CELF2: variants seen among roughly 807,000 people sequenced by gnomAD.
CELF2 encodes the protein CUG triplet repeat RNA-binding protein 2.
In CELF2, 8 loss-of-function variants were observed where a neutral mutation model predicts 62.6. The observed-to-expected ratio is 0.13, with a 90% confidence interval of 0.07 to 0.23. CELF2 has a LOEUF of 0.23. Among genes scored for constraint, CELF2 ranks in the 10% least tolerant of loss-of-function variants. The pLI is 1.00. For synonymous variants in CELF2, 258 were observed against 250.0 expected (o/e 1.03, Z -0.30); for missense variants, 333 against 671.0 (o/e 0.50, Z 5.56).
In CELF2 at chr10:11,300,472, G is replaced by A. The variant is rs1277636494; in HGVS notation, c.976+11920G>A. On this transcript the variant is annotated intron_variant, in intron 9 of 12. Coordinates refer to ENST00000633077, the MANE Select transcript of CELF2 (RefSeq NM_001326342.2). This position sits in a 1 kb window ranked among gnomAD's most constrained non-coding sequence, Gnocchi z 5.5. ...GGGAAGGTACCCTCTTCCAGGCTGG[G>A]AGTGTGAGGTCACACCTCACCACTG... Among the ~76,000 whole-genome samples, 2 of 152,200 alleles carry A rather than the reference G, an allele frequency of 1.3e-5. No individual in the cohort carries two copies. Among genetic ancestry groups the A allele is most frequent in the Admixed American group, 6.5e-5 (1 of 15,286 alleles).
At chr10:10,718,983 CTCTT>C in the CELF2 span, among the ~76,000 whole-genome samples, 1 of 142,616 alleles carries the variant, frequency 7.0e-6, no homozygotes, top group Non-Finnish European at 1.5e-5. Context: ...CTTTATTATT[CTCTT>C]TTTTTTTTTT....
In CELF2 at chr10:11,255,893, C is replaced by A. The variant is rs2078597209; in HGVS notation, c.404-1845C>A. Among the ~76,000 whole-genome samples the A allele has an allele frequency of 6.6e-6, 1 of 152,208 alleles. No homozygotes were observed. Among genetic ancestry groups the A allele is most frequent in the African/African-American group, 2.4e-5 (1 of 41,446 alleles). On this transcript the variant is annotated intron_variant, in intron 4 of 12. Coordinates refer to ENST00000633077, the MANE Select transcript of CELF2 (RefSeq NM_001326342.2). This position sits in a 1 kb window ranked among gnomAD's most constrained non-coding sequence, Gnocchi z 5.5. ...CTTGGTCTTCTAATCACCGCCATTG[C>A]TCTCCCCTTCAAGCCTTCTCTCCTC...
At chr10:11,176,970 A>G (rs2071419147) in intron 2 of CELF2, among the ~76,000 whole-genome samples, 1 of 152,148 alleles carries the variant, frequency 6.6e-6, no homozygotes, top group Non-Finnish European at 1.5e-5. Context: ...ATCCTGCGCT[A>G]ACCATTGGCA....
chr10:10,562,619 A>C, the CELF2 span, among the ~76,000 whole-genome samples: 3 of 152,190 alleles, frequency 2.0e-5, no homozygotes, highest in Non-Finnish European at 2.9e-5. Flanking sequence ...CTTGGAAAAC[A>C]GGAATGAGGG....
At chr10:10,865,176 C>T (rs1440220772) in intron 1 of CELF2, among the ~76,000 whole-genome samples, 2 of 152,068 alleles carry the variant, frequency 1.3e-5, no homozygotes, top group African/African-American at 2.4e-5. Context: ...CTCCTGCTCT[C>T]GTAGAAAATA....
rs1034662946 is a variant in CELF2 at position 10,936,417 on chromosome 10, G to A, written c.89+16418G>A. Among the ~76,000 whole-genome samples the A allele has an allele frequency of 9.9e-5, 15 of 152,130 alleles. No individual in the cohort carries two copies. The highest frequency in any genetic ancestry group is 3.6e-4 in the African/African-American group (15 of 41,426). ...AATCCTAGAACCTTAGAGCTCCATGGAACCTGTTTTGCATCGTCTCCTTGT... is the reference window on the plus strand; with the variant it reads ...AATCCTAGAACCTTAGAGCTCCATGAAACCTGTTTTGCATCGTCTCCTTGT... On this transcript the variant is annotated intron_variant, in intron 2 of 13. Coordinates refer to the CELF2 transcript ENST00000636488. The surrounding 1 kb of genome is among the most constrained non-coding windows in gnomAD (Gnocchi z 4.0).
chr10:10,875,734 A>G (rs1053739781), intron 1 of CELF2, among the ~76,000 whole-genome samples: 1 of 152,190 alleles, frequency 6.6e-6, no homozygotes, highest in African/African-American at 2.4e-5. Flanking sequence ...TTGATAAAGT[A>G]CAGTATGTTA....
At chr10:10,571,465 G>A in the CELF2 span, among the ~76,000 whole-genome samples, 1 of 152,190 alleles carries the variant, frequency 6.6e-6, no homozygotes, top group Non-Finnish European at 1.5e-5. Flanking sequence ...TAGTTATTAA[G>A]CTGCTGAAGT....
In CELF2 at chr10:11,224,806, A is replaced by G; in HGVS notation, c.354+7299A>G. On this transcript the variant is annotated intron_variant, in intron 3 of 12. Coordinates refer to ENST00000633077, the MANE Select transcript of CELF2 (RefSeq NM_001326342.2). The surrounding 1 kb of genome is among the most constrained non-coding windows in gnomAD (Gnocchi z 4.5). ...CGGAGCCTGGAGCTTTAGGCCACAC[A>G]AAAAGCATACAGCATGGGTAGATGT... Among the ~76,000 whole-genome samples, 1 of 152,150 alleles carries G rather than the reference A, an allele frequency of 6.6e-6. No individual in the cohort carries two copies. Among genetic ancestry groups the G allele is most frequent in the Non-Finnish European group, 1.5e-5 (1 of 68,030 alleles).
chr10:10,520,139 G>A, the CELF2 span, among the ~76,000 whole-genome samples: 1 of 152,176 alleles, frequency 6.6e-6, no homozygotes, highest in African/African-American at 2.4e-5. Flanking sequence ...TTTTTTAAGT[G>A]AAACATTAGA....
chr10:10,885,610 A>G (rs1032314824), intron 1 of CELF2, among the ~76,000 whole-genome samples: 96 of 152,262 alleles, frequency 6.3e-4, no homozygotes, highest in Admixed American at 6.3e-3. Context: ...AAATGGAAAT[A>G]TTATGTAATA....
chr10:10,996,224 C>G (rs1463083643), intron 2 of CELF2, among the ~76,000 whole-genome samples: 2 of 152,212 alleles, frequency 1.3e-5, no homozygotes, highest in African/African-American at 4.8e-5. Context: ...AGAGCTTGTT[C>G]TGCACCTTTG....
rs554284733 is a variant in CELF2 at position 11,010,857 on chromosome 10, A to G, written c.53+5417A>G. ...GCGGTCAAATCCCTGGTCACTGTTT[A>G]TAGTTTCAGCTGCTCAGCCCTTCCT... On this transcript the variant is annotated intron_variant, in intron 1 of 12. Transcript: ENST00000416382. This position sits in a 1 kb window ranked among gnomAD's most constrained non-coding sequence, Gnocchi z 4.1. 1 of 152,274 alleles carries G rather than the reference A, an allele frequency of 6.6e-6. No homozygotes were observed. The highest frequency in any genetic ancestry group is 1.5e-5 in the Non-Finnish European group (1 of 68,056). 9.4% of individuals were successfully genotyped at this position (152,274 alleles called of 1,614,324 possible).
intron 1 of CELF2, among the ~76,000 whole-genome samples, chr10:10,887,595 A>G (rs2061843994): frequency 6.6e-6 from 1 of 152,122 alleles, no homozygotes; most frequent in Non-Finnish European, 1.5e-5. Flanking sequence ...CTGTTGGTCT[A>G]TTTTTTTGTA....
the CELF2 span, among the ~76,000 whole-genome samples, chr10:10,582,841 G>C: frequency 1.3e-5 from 2 of 152,254 alleles, no homozygotes; most frequent in African/African-American, 4.8e-5. Context: ...GAAAAAAGTG[G>C]TAAAATCTCA....
the CELF2 span, among the ~76,000 whole-genome samples, chr10:10,652,138 T>C: frequency 1.3e-3 from 128 of 98,874 alleles, 2 homozygotes; most frequent in African/African-American, 4.3e-3. Context: ...GAAGATGAAA[T>C]GAATGAAATG....
Position 11,046,041 on chromosome 10 carries a change from C to T in CELF2, c.74+27878C>T, listed in dbSNP as rs910038418. Among the ~76,000 whole-genome samples the T allele has an allele frequency of 6.6e-6, 1 of 152,178 alleles. No homozygotes were observed. Among genetic ancestry groups the T allele is most frequent in the East Asian group, 1.9e-4 (1 of 5,202 alleles). ...GCTCAGGGTTTGTTTTTAAAGGCAA[C>T]GACTCGCTCATGAAGAGTTTGAACA... On this transcript the variant is annotated intron_variant, in intron 1 of 12. Transcript: ENST00000633077. This position sits in a 1 kb window ranked among gnomAD's most constrained non-coding sequence, Gnocchi z 4.6.
At chr10:10,580,191 A>G in the CELF2 span, among the ~76,000 whole-genome samples, 53 of 152,320 alleles carry the variant, frequency 3.5e-4, no homozygotes, top group African/African-American at 1.0e-3. Flanking sequence ...CAAAAAGCTT[A>G]TAATCACTCC....
intron 1 of CELF2, among the ~76,000 whole-genome samples, chr10:10,915,739 G>A (rs1391146477): frequency 6.6e-6 from 1 of 152,132 alleles, no homozygotes; most frequent in Non-Finnish European, 1.5e-5. Context: ...CCGGCCCTTA[G>A]GGGAGTTTTC....
Sources: gnomAD v4.1 joint callset for allele counts (sites outside exome capture counted in the v4.1 genomes callset) on GRCh38, gnomAD v4.1.1 for gene constraint, Gnocchi (gnomAD v3.1) non-coding constraint, MANE v1.5 for transcripts, NCBI Gene and HGNC (gene_info 2026-07-23, HGNC 2026-07-21) for gene names.